Variants in ECE1 observed in about 807,000 individuals in gnomAD.
The protein encoded by ECE1 is endothelin converting enzyme 1, also known as endothelin-converting enzyme 1.
In ECE1, 35 loss-of-function variants were observed where a neutral mutation model predicts 98.6. The observed-to-expected ratio is 0.35, with a 90% confidence interval of 0.27 to 0.47. ECE1 has a LOEUF of 0.47. ECE1 is among the 20% of genes least tolerant of loss of function. The pLI is 1.00. For synonymous variants in ECE1, 394 were observed against 407.1 expected (o/e 0.97, Z 0.39); for missense variants, 814 against 1,025.3 (o/e 0.79, Z 2.81).
rs1044075759 is a variant in ECE1 at position 21,258,131 on chromosome 1, T to C, written c.763-541A>G. ...CTTGGCATACCTAGGACAGGTGTTA[T>C]TGCAATCCATTTGATTTATAAGGTA... On this transcript the variant is annotated intron_variant, in intron 6 of 18. Coordinates refer to ENST00000374893, the MANE Select transcript of ECE1 (RefSeq NM_001397.3). The surrounding 1 kb of genome is among the most constrained non-coding windows in gnomAD (Gnocchi z 4.2). 3.9e-5 allele frequency among the ~76,000 whole-genome samples: 6 copies of C among 152,170 alleles called. No individual in the cohort carries two copies. Among genetic ancestry groups the C allele is most frequent in the East Asian group, 1.9e-4 (1 of 5,180 alleles).
At chr1:21,223,067 TA>T (rs2098169534) in intron 17 of ECE1, among the ~76,000 whole-genome samples, 1 of 150,514 alleles carries the variant, frequency 6.6e-6, no homozygotes, top group Non-Finnish European at 1.5e-5. Flanking sequence ...CTCCACCTCC[TA>T]GGCTCAAGCG....
Position 21,290,091 on chromosome 1 carries a change from G to A in ECE1, c.117C>T (p.Asp39=). The A allele has an allele frequency of 6.5e-7, 1 of 1,545,200 alleles. No homozygotes were observed. The highest frequency in any genetic ancestry group is 8.7e-7 in the Non-Finnish European group (1 of 1,146,498). ...EDLVDSLSEG[D]AYPNGLQVNF... Reference sequence around the variant, plus strand: ...CTACCTGCAGGCCGTTGGGGTATGCGTCGCCCTCGGAGAGCGAGTCCACCA... The same window carrying A: ...CTACCTGCAGGCCGTTGGGGTATGCATCGCCCTCGGAGAGCGAGTCCACCA... Residue 39 remains aspartate (D), a synonymous_variant, in exon 2 of 19, where the codon GAC becomes GAT. Transcript: ENST00000374893. The surrounding 1 kb of genome is among the most constrained non-coding windows in gnomAD (Gnocchi z 7.3).
chr1:21,243,933 C>T (rs212508), intron 10 of ECE1, among the ~76,000 whole-genome samples: 10,553 of 152,256 alleles, frequency 0.069, 1,209 homozygotes, highest in African/African-American at 0.24. Flanking sequence ...TCCCTCAGTC[C>T]CCTTCCTGCC....
Position 21,260,199 on chromosome 1 carries a change from C to T in ECE1, c.615+72G>A. ...GAGGTGGGCCAGTGGTACCAGAAGG[C>T]TGGAGTGGAAGCCAGGGGGCGGGCA... On this transcript the variant is annotated intron_variant, in intron 5 of 18. Coordinates refer to ENST00000374893, the MANE Select transcript of ECE1 (RefSeq NM_001397.3). This position sits in a 1 kb window ranked among gnomAD's most constrained non-coding sequence, Gnocchi z 4.3. 1.2e-6 allele frequency: 2 copies of T among 1,610,068 alleles called. No homozygotes were observed. The highest frequency in any genetic ancestry group is 1.1e-5 in the South Asian group (1 of 90,966).
rs2098264872 is a variant in ECE1 at position 21,290,018 on chromosome 1, C to A, written c.138+52G>T. On this transcript the variant is annotated intron_variant, in intron 2 of 18. Transcript: ENST00000374893. This position sits in a 1 kb window ranked among gnomAD's most constrained non-coding sequence, Gnocchi z 7.3. ...CGGGGGGCGCGGCAGCGGCAGCGCG[C>A]ATGCCCGGGCCCGGGGCGCCTGGAC... 6.4e-6 allele frequency: 8 copies of A among 1,256,004 alleles called. No individual in the cohort carries two copies. The highest frequency in any genetic ancestry group is 1.6e-5 in the African/African-American group (1 of 64,070). 77.8% of individuals were successfully genotyped at this position (1,256,004 alleles called of 1,614,324 possible). A position where few individuals can be genotyped will look rare whatever the true frequency, so the allele number is the denominator to read the frequency against.
intron 5 of ECE1, among the ~76,000 whole-genome samples, chr1:21,259,401 A>G (rs1027921439): frequency 3.9e-5 from 6 of 151,966 alleles, no homozygotes; most frequent in African/African-American, 1.4e-4. Context: ...CTAAGTAGCT[A>G]TGACTACAGG....
At chr1:21,282,450 T>C (rs2098255721) in intron 2 of ECE1, among the ~76,000 whole-genome samples, 1 of 151,034 alleles carries the variant, frequency 6.6e-6, no homozygotes, top group Non-Finnish European at 1.5e-5. Flanking sequence ...TAGCCAGGCA[T>C]GGTGGCTCAT....
intron 1 of ECE1, chr1:21,298,984 T>C: frequency 2.3e-6 from 1 of 436,166 alleles, no homozygotes. Context: ...GCTCCTGTGC[T>C]CCTGTGTGAT....
Position 21,329,634 on chromosome 1 carries a change from C to T in ECE1, c.3+15742G>A, listed in dbSNP as rs937317744. On this transcript the variant is annotated intron_variant, in intron 1 of 18. Transcript: ENST00000415912. ...TTATGCAAAGCACAGTTCATGTGCT[C>T]GGGGCAAACAGTGGAAAAACAAACC... 5.3e-5 allele frequency among the ~76,000 whole-genome samples: 8 copies of T among 152,148 alleles called. No individual in the cohort carries two copies. In the East Asian group the frequency reaches 9.6e-4, roughly 18 times the overall value.
chr1:21,269,127 T>C (rs2098237366), intron 4 of ECE1, among the ~76,000 whole-genome samples: 1 of 152,182 alleles, frequency 6.6e-6, no homozygotes, highest in African/African-American at 2.4e-5. Flanking sequence ...CTGCCAGCAG[T>C]GCCGACCCAG....
intron 2 of ECE1, among the ~76,000 whole-genome samples, chr1:21,287,733 T>C (rs747804556): frequency 3.3e-5 from 5 of 152,148 alleles, no homozygotes; most frequent in Non-Finnish European, 7.3e-5. Context: ...TGGCAGCATG[T>C]TTCGGAAGTT....
chr1:21,336,854 C>T (rs1436470431), intron 1 of ECE1, among the ~76,000 whole-genome samples: 4 of 151,444 alleles, frequency 2.6e-5, no homozygotes, highest in African/African-American at 7.3e-5. Context: ...GGGGACAAAG[C>T]GAGACTCCGT....
chr1:21,223,853 C>A (rs1472134736), intron 17 of ECE1, among the ~76,000 whole-genome samples: 2 of 152,228 alleles, frequency 1.3e-5, no homozygotes, highest in Non-Finnish European at 2.9e-5. Context: ...CCACCTCGGC[C>A]TCCCAAAGTG....
At chr1:21,256,265 C>T in intron 7 of ECE1, 127 bp from the exon 8 acceptor site, 4 of 1,096,776 alleles carry the variant, frequency 3.6e-6, no homozygotes, top group South Asian at 3.3e-5. Context: ...GCCCCCAAGA[C>T]ACCCGTGGGG....
rs762860492 is a variant in ECE1 at position 21,258,877 on chromosome 1, G to A, written c.616-38C>T. On this transcript the variant is annotated intron_variant, in intron 5 of 18. Transcript: ENST00000374893. The surrounding 1 kb of genome is among the most constrained non-coding windows in gnomAD (Gnocchi z 4.2). ...AGAGCAGGCAGGGAGGTGATGAGGT[G>A]GCGGGGAGACCCAGATGTGAATTCT... 3 of 1,612,850 alleles carry A rather than the reference G, an allele frequency of 1.9e-6. No homozygotes were observed. Among genetic ancestry groups the A allele is most frequent in the Non-Finnish European group, 2.5e-6 (3 of 1,179,454 alleles).
chr1:21,321,980 A>G (rs1638975093), intron 1 of ECE1, among the ~76,000 whole-genome samples: 2 of 152,140 alleles, frequency 1.3e-5, no homozygotes, highest in Admixed American at 1.3e-4. Flanking sequence ...TCAGGATCTA[A>G]GACCGCTTGG....
At position 21,251,230 on chromosome 1, in the gene ECE1, C is replaced by T. The variant is rs561860690; in HGVS notation, c.1021-3867G>A. Among the ~76,000 whole-genome samples the T allele has an allele frequency of 1.2e-4, 18 of 151,038 alleles. No individual in the cohort carries two copies. In the South Asian group the frequency reaches 3.4e-3, roughly 28 times the overall value. On this transcript the variant is annotated intron_variant, in intron 8 of 18. Transcript: ENST00000374893. ...CGTGCTGGTAAACAGTTAACAACTG[C>T]GCCGGGCACGGTGGCTCATGCCTGT...
chr1:21,345,130 TG>T lies in ECE1; in HGVS notation c.3+245del. On this transcript the variant is annotated intron_variant, in intron 1 of 18. Coordinates refer to the ECE1 transcript ENST00000415912. The surrounding 1 kb of genome is among the most constrained non-coding windows in gnomAD (Gnocchi z 5.1). ...GGACCCCGAGCCCCCCACATCCGGC[TG>T]GGACCAGAACCAAGCTCGGCGCGGC... 2 of 310,124 alleles carry T rather than the reference TG, an allele frequency of 6.4e-6. No homozygotes were observed. The highest frequency in any genetic ancestry group is 1.1e-5 in the Non-Finnish European group (2 of 188,766). 19.2% of individuals were successfully genotyped at this position (310,124 alleles called of 1,614,324 possible). A position where few individuals can be genotyped will look rare whatever the true frequency, so the allele number is the denominator to read the frequency against.
chr1:21,231,963 C>T (rs901959049), intron 14 of ECE1, among the ~76,000 whole-genome samples: 6 of 152,340 alleles, frequency 3.9e-5, no homozygotes, highest in Non-Finnish European at 8.8e-5. Flanking sequence ...ATCACAAATA[C>T]TTCAATGGGT....
Sources: gnomAD v4.1 joint callset for allele counts (sites outside exome capture counted in the v4.1 genomes callset) on GRCh38, gnomAD v4.1.1 for gene constraint, Gnocchi (gnomAD v3.1) non-coding constraint, MANE v1.5 for transcripts, NCBI Gene and HGNC (gene_info 2026-07-23, HGNC 2026-07-21) for gene names.